COL6A6: variants seen among roughly 807,000 people sequenced by gnomAD.
COL6A6 encodes collagen alpha-6(VI) chain.
COL6A6 carries 183 observed loss-of-function variants against 208.6 expected under a neutral mutation model. The observed-to-expected ratio is 0.88, with a 90% CI of 0.78 to 0.99. The LOEUF (loss-of-function observed/expected upper bound fraction) is 0.99. Among genes scored for constraint, COL6A6 ranks in the 50% least tolerant of loss-of-function variants. COL6A6 has a pLI of 0.00. For missense variants in COL6A6, 2,816 were observed against 2,815.2 expected (o/e 1.00, Z -0.01); for synonymous variants, 973 against 1,011.8 (o/e 0.96, Z 0.73).
chr3:130,527,890 CTTTTTTTTTTTTTT>C (rs56110472), intron 1 of COL6A6, among the ~76,000 whole-genome samples: 8 of 57,844 alleles, frequency 1.4e-4, no homozygotes, highest in Admixed American at 1.3e-3. Flanking sequence ...GTTACTTTTC[CTTTTTTTTTTTTTT>C]TTTTTTTTTT....
rs192613528 is a variant in COL6A6, at chr3:130,600,870, A to T, written c.4653+1060A>T. ...GCACTTGTATCCTGGAACTTAAAAT[A>T]AAAATAAAAATTTAAAACAGGAAAA... On this transcript the variant is annotated intron_variant, in intron 20 of 36. Coordinates refer to ENST00000358511, the MANE Select transcript of COL6A6 (RefSeq NM_001102608.3). Among the ~76,000 whole-genome samples the T allele has an allele frequency of 1.0e-3, 158 of 152,290 alleles. 1 individual carries two copies. The highest frequency in any genetic ancestry group is 1.0e-4 in the Non-Finnish European group (7 of 68,002).
intron 1 of COL6A6, among the ~76,000 whole-genome samples, chr3:130,554,473 G>T (rs1438816542): frequency 6.6e-6 from 1 of 152,214 alleles, no homozygotes; most frequent in Non-Finnish European, 1.5e-5. Flanking sequence ...ATGGGGTGCT[G>T]GTGGGCACGA....
intron 22 of COL6A6, among the ~76,000 whole-genome samples, chr3:130,609,397 G>T (rs2064284306): frequency 1.3e-5 from 2 of 152,196 alleles, no homozygotes; most frequent in South Asian, 4.1e-4. Context: ...CATCAGTGGG[G>T]TTATCTGCAG....
chr3:130,562,919 A>C, intron 2 of COL6A6, 149 bp from the exon 3 acceptor site: 1 of 557,004 alleles, frequency 1.8e-6, no homozygotes, highest in East Asian at 2.8e-5. Flanking sequence ...TCTTGAGAGA[A>C]TGTGCAGTTG....
intron 24 of COL6A6, among the ~76,000 whole-genome samples, chr3:130,624,069 G>A (rs1260869798): frequency 6.6e-6 from 1 of 152,100 alleles, no homozygotes; most frequent in Non-Finnish European, 1.5e-5. Flanking sequence ...AAATGTGCGA[G>A]GAGAAAATGG....
At chr3:130,622,019 G>C in intron 24 of COL6A6, 136 bp downstream of exon 24, 1 of 695,050 alleles carries the variant, frequency 1.4e-6, no homozygotes, top group South Asian at 1.9e-5. Flanking sequence ...TTGATTCTTA[G>C]AGAGCCAACA....
At chr3:130,663,084 CA>C (rs1228040831) in intron 35 of COL6A6, among the ~76,000 whole-genome samples, 1 of 152,140 alleles carries the variant, frequency 6.6e-6, no homozygotes, top group Non-Finnish European at 1.5e-5. Context: ...AACACACAGG[CA>C]AAAGAGTACC....
At chr3:130,673,074 G>C (rs1264179836) in intron 36 of COL6A6, among the ~76,000 whole-genome samples, 1 of 143,392 alleles carries the variant, frequency 7.0e-6, no homozygotes, top group Non-Finnish European at 1.5e-5. Flanking sequence ...AGCTACTCAC[G>C]AGGCTGAGGT....
Position 130,574,226 on chromosome 3 carries a change from T to C in COL6A6, c.3248T>C (p.Leu1083Pro). 1 of 1,613,966 alleles carries C rather than the reference T, an allele frequency of 6.2e-7. No homozygotes were observed. The highest frequency in any genetic ancestry group is 2.2e-5 in the East Asian group (1 of 44,882). Residue 1083 changes from leucine (L) to proline (P), a missense_variant, in exon 8 of 37, where the codon CTC becomes CCC. Physicochemically the swap from Leu to Pro is moderately conservative, Grantham distance 98. Transcript: ENST00000358511. ...GGAAACACACACATCGGTGCTGCAC[T>C]CAGGGAGGTGGAACATTACTTCAGG... ...IFGNTHIGAA[L>P]REVEHYFRPD... is the part of the protein sequence containing the mutation.
chr3:130,516,882 G>C (rs111540893), upstream of COL6A6, among the ~76,000 whole-genome samples: 1 of 152,222 alleles, frequency 6.6e-6, no homozygotes, highest in African/African-American at 2.4e-5. Context: ...GTGCGCCTCG[G>C]ATCTGCACGC....
rs780062503 is a variant in COL6A6, at chr3:130,568,360, G to C, written c.2157G>C (p.Arg719=). Residue 719 remains arginine, a synonymous_variant, in exon 6 of 37, where the codon CGG becomes CGC. Transcript: ENST00000358511. The part of the protein sequence containing the change: ...SQYFSPTKGA[R]PNIRKFLILI... ...ACTTCAGCCCCACCAAGGGCGCCCGGCCCAACATCAGAAAGTTTCTCATCC... is the reference window on the plus strand; with the variant it reads ...ACTTCAGCCCCACCAAGGGCGCCCGCCCCAACATCAGAAAGTTTCTCATCC... The C allele has an allele frequency of 6.2e-7, 1 of 1,613,950 alleles. No individual in the cohort carries two copies. Among genetic ancestry groups the C allele is most frequent in the East Asian group, 2.2e-5 (1 of 44,880 alleles).
chr3:130,517,735 C>G (rs150072841), intron 1 of COL6A6, among the ~76,000 whole-genome samples: 61 of 152,392 alleles, frequency 4.0e-4, no homozygotes, highest in Middle Eastern at 3.4e-3. Flanking sequence ...ACACTGTGTC[C>G]TCACAGCACA....
chr3:130,568,161 A>G lies in COL6A6; in HGVS notation c.1958A>G (p.Gln653Arg), dbSNP rs774012639. ...TFMKNLVSKS[Q>R]IGPDRVQIGV... Reference sequence around the variant, plus strand: ...ATGAAAAACCTGGTGAGCAAGTCTCAGATTGGACCAGATCGGGTGCAAATT... The same window carrying G: ...ATGAAAAACCTGGTGAGCAAGTCTCGGATTGGACCAGATCGGGTGCAAATT... Residue 653 changes from glutamine to arginine, a missense_variant, in exon 6 of 37, where the codon CAG becomes CGG. By Grantham distance (43) the Gln-to-Arg change is conservative. Coordinates refer to ENST00000358511, the MANE Select transcript of COL6A6 (RefSeq NM_001102608.3). 3 of 1,613,940 alleles carry G rather than the reference A, an allele frequency of 1.9e-6. No individual in the cohort carries two copies. The South Asian group carries it at 3.3e-5, about 18-fold the overall frequency.
chr3:130,651,669 A>G (rs956734134), intron 33 of COL6A6, among the ~76,000 whole-genome samples: 3 of 152,164 alleles, frequency 2.0e-5, no homozygotes, highest in Non-Finnish European at 2.9e-5. Flanking sequence ...ATGCAAATAG[A>G]GTTGCTATGA....
intron 1 of COL6A6, among the ~76,000 whole-genome samples, chr3:130,536,566 C>CCTTTAAGAAGGATG (rs760220399): frequency 8.5e-5 from 13 of 152,146 alleles, no homozygotes; most frequent in Non-Finnish European, 1.2e-4. Flanking sequence ...CAATAGGGTG[C>CCTTTAAGAAGGATG]TAACCAAACG....
intron 36 of COL6A6, among the ~76,000 whole-genome samples, chr3:130,673,220 A>AAAAAAAACAAC (rs1553724908): frequency 7.7e-6 from 1 of 129,624 alleles, no homozygotes; most frequent in African/African-American, 2.9e-5. Flanking sequence ...AAAAAAACAA[A>AAAAAAAACAAC]AAAAAAAAAC....
chr3:130,598,461 C>G (rs1241814843), intron 19 of COL6A6, 31 bp downstream of exon 19: 2 of 1,436,418 alleles, frequency 1.4e-6, no homozygotes, highest in East Asian at 5.0e-5. Context: ...AATCGTGATG[C>G]AACAACTGTG....
intron 10 of COL6A6, among the ~76,000 whole-genome samples, chr3:130,583,483 T>C (rs1197963119): frequency 6.6e-6 from 1 of 152,232 alleles, no homozygotes; most frequent in African/African-American, 2.4e-5. Context: ...GGAAGTGCTT[T>C]GGAATATCCA....
chr3:130,612,785 G>A (rs2064398296), intron 23 of COL6A6, among the ~76,000 whole-genome samples: 1 of 152,038 alleles, frequency 6.6e-6, no homozygotes, highest in Non-Finnish European at 1.5e-5. Context: ...TATGGAGTGG[G>A]ATTGAGCATA....
Sources: gnomAD v4.1 joint callset for allele counts (sites outside exome capture counted in the v4.1 genomes callset) on GRCh38, gnomAD v4.1.1 for gene constraint, MANE v1.5 for transcripts, NCBI Gene and HGNC (gene_info 2026-07-23, HGNC 2026-07-21) for gene names.